Variants in USP47 observed in about 807,000 individuals in gnomAD.
USP47 encodes the protein ubiquitin carboxyl-terminal hydrolase 47.
A neutral mutation model predicts 165.1 loss-of-function variants in USP47; 35 were observed. The observed-to-expected ratio is 0.21, with a 90% confidence interval of 0.16 to 0.28. The LOEUF is 0.28. Ranked by LOEUF, USP47 falls within the 10% of genes least tolerant of loss-of-function variation. The pLI is 1.00. For missense variants in USP47, 1,277 were observed against 1,607.4 expected (o/e 0.79, Z 3.52); for synonymous variants, 531 against 544.5 (o/e 0.98, Z 0.35).
chr11:11,952,659 G>T, intron 24 of USP47, 82 bp from the exon 25 acceptor site: 2 of 1,340,016 alleles, frequency 1.5e-6, no homozygotes, highest in Non-Finnish European at 1.9e-6. Context: ...AAATCTTTTT[G>T]TTTAGTAAGG....
chr11:11,903,288 A>G lies in USP47; in HGVS notation c.765A>G (p.Glu255=). The change falls in exon 7 of 28, where the codon GAA becomes GAG. Residue 255 remains glutamate (E), a synonymous_variant. Coordinates refer to ENST00000527733, the MANE Select transcript of USP47 (RefSeq NM_001282659.2). ...CTTGGCAGCAGCATGATGTACAAGA[A>G]CTATGCAGAGTCATGTTTGATGCTT... ...SEAWQQHDVQ[E]LCRVMFDALE... 6.2e-7 allele frequency: 1 copy of G among 1,612,326 alleles called. No individual in the cohort carries two copies. The highest frequency in any genetic ancestry group is 8.5e-7 in the Non-Finnish European group (1 of 1,179,026).
intron 19 of USP47, 21 bp from the exon 20 acceptor site, chr11:11,942,314 A>G (rs1031263427): frequency 6.5e-7 from 1 of 1,544,982 alleles, no homozygotes; most frequent in Non-Finnish European, 8.7e-7. Context: ...ATATATAATA[A>G]AACTCTGACT....
rs1465326865 is a variant in USP47 at position 11,949,867 on chromosome 11, TTGTTTA to T, written c.3349-14_3349-9del. The stretch of plus-strand genomic sequence containing the variant: ...ACTTAAGGTATAATTCAAGCTCTGA[TTGTTTA>T]TGTTTATATTTCTAGCCATGCAAGT... On this transcript the variant is annotated splice_polypyrimidine_tract_variant and intron_variant, in intron 22 of 27. Coordinates refer to ENST00000527733, the MANE Select transcript of USP47 (RefSeq NM_001282659.2). 9.3e-6 allele frequency: 14 copies of T among 1,501,880 alleles called. No individual in the cohort carries two copies. Among genetic ancestry groups the T allele is most frequent in the South Asian group, 4.6e-5 (4 of 87,618 alleles). 93.0% of individuals were successfully genotyped at this position (1,501,880 alleles called of 1,614,324 possible).
chr11:11,919,215 G>A (rs1042277891), intron 8 of USP47, among the ~76,000 whole-genome samples: 1 of 151,852 alleles, frequency 6.6e-6, no homozygotes, highest in Non-Finnish European at 1.5e-5. Context: ...TTGCAACTAC[G>A]ACCATTAAGC....
intron 14 of USP47, among the ~76,000 whole-genome samples, chr11:11,931,366 T>C (rs925899063): frequency 6.6e-6 from 1 of 152,176 alleles, no homozygotes; most frequent in Non-Finnish European, 1.5e-5. Flanking sequence ...AAGTATATTC[T>C]AGGATCTGTC....
chr11:11,950,469 T>G lies in USP47; in HGVS notation c.3570T>G (p.Leu1190=). The G allele has an allele frequency of 6.2e-7, 1 of 1,601,136 alleles. No individual in the cohort carries two copies. The highest frequency in any genetic ancestry group is 8.5e-7 in the Non-Finnish European group (1 of 1,173,066). ...INISSNWEVF[L]EVLDGVEKMK... Reference sequence around the variant, plus strand: ...TTTCCAGCAACTGGGAGGTTTTCCTTGAAGTTCTTGATGGTATTTTCAATA... The same window carrying G: ...TTTCCAGCAACTGGGAGGTTTTCCTGGAAGTTCTTGATGGTATTTTCAATA... Residue 1190 remains leucine, a synonymous_variant, in exon 24 of 28, where the codon CTT becomes CTG. Coordinates refer to ENST00000527733, the MANE Select transcript of USP47 (RefSeq NM_001282659.2).
chr11:11,877,861 G>A (rs889040860), intron 1 of USP47, among the ~76,000 whole-genome samples: 13 of 12,146 alleles, frequency 1.1e-3, no homozygotes, highest in African/African-American at 3.9e-3. Flanking sequence ...GTGTGTGTGC[G>A]CGCGCGCAGA....
intron 1 of USP47, among the ~76,000 whole-genome samples, chr11:11,862,757 A>G (rs1224266689): frequency 6.6e-6 from 1 of 151,960 alleles, no homozygotes; most frequent in Non-Finnish European, 1.5e-5. Flanking sequence ...GGGTCTCGCC[A>G]TGTTGCCCAG....
intron 1 of USP47, among the ~76,000 whole-genome samples, chr11:11,868,921 C>T (rs77276226): frequency 0.013 from 1,955 of 151,862 alleles, 38 homozygotes; most frequent in African/African-American, 0.044. Flanking sequence ...TCTGTTTATA[C>T]GCTTCATTGA....
intron 1 of USP47, among the ~76,000 whole-genome samples, chr11:11,871,501 C>CAAAAAAAAAAAAAAAAAAAAA (rs71037046): frequency 1.6e-5 from 1 of 63,098 alleles, no homozygotes; most frequent in Non-Finnish European, 3.4e-5. Context: ...AACTCCCTCT[C>CAAAAAAAAAAAAAAAAAAAAA]AAAAAAAAAA....
At chr11:11,925,988 A>G (rs778981506) in intron 11 of USP47, among the ~76,000 whole-genome samples, 3 of 152,048 alleles carry the variant, frequency 2.0e-5, no homozygotes, top group Non-Finnish European at 4.4e-5. Context: ...TTCTTTATCA[A>G]TTGAAGCGAT....
intron 20 of USP47, 57 bp downstream of exon 20, chr11:11,943,169 T>G (rs1483046142): frequency 7.2e-6 from 11 of 1,529,314 alleles, no homozygotes; most frequent in African/African-American, 1.4e-5. Context: ...TCTCTCAGTT[T>G]ATTTAAATTT....
intron 18 of USP47, 61 bp downstream of exon 18, chr11:11,938,433 T>C: frequency 8.2e-7 from 1 of 1,224,818 alleles, no homozygotes; most frequent in Non-Finnish European, 1.2e-6. Flanking sequence ...CAAGACACAC[T>C]ATGTGACAGT....
intron 16 of USP47, among the ~76,000 whole-genome samples, chr11:11,934,879 T>A (rs766950457): frequency 1.1e-4 from 16 of 152,148 alleles, no homozygotes; most frequent in Non-Finnish European, 2.1e-4. Flanking sequence ...AGTCATTACC[T>A]AGAGAAAAAA....
intron 5 of USP47, among the ~76,000 whole-genome samples, chr11:11,899,035 G>C (rs1418663641): frequency 6.6e-6 from 1 of 152,256 alleles, no homozygotes; most frequent in Non-Finnish European, 1.5e-5. Context: ...CACACTGCTA[G>C]AAGTTGCACC....
intron 1 of USP47, among the ~76,000 whole-genome samples, chr11:11,849,606 T>C (rs1848617144): frequency 6.6e-6 from 1 of 152,156 alleles, no homozygotes; most frequent in South Asian, 2.1e-4. Flanking sequence ...CGTGAGAAGC[T>C]CTTTCCCAGG....
rs527862180 is a variant in USP47 at position 11,856,740 on chromosome 11, A to G, written c.39+14516A>G. ...TGATCTGATTTTCACTGAGAGCCAC[A>G]GTACAAGGCTTATAATGATGTGGTT... is the stretch of plus-strand genomic sequence containing the variant. On this transcript the variant is annotated intron_variant, in intron 1 of 27. Transcript: ENST00000527733. 2.0e-3 allele frequency: 303 copies of G among 152,370 alleles called. 2 individuals carry two copies. The highest frequency in any genetic ancestry group is 7.0e-3 in the African/African-American group (290 of 41,594). The allele number at this position is 152,370 out of a possible 1,614,324, so 9.4% of individuals were successfully genotyped here.
Position 11,936,351 on chromosome 11 carries a change from A to T in USP47, c.1918A>T (p.Lys640Ter). 6.2e-7 allele frequency: 1 copy of T among 1,607,414 alleles called. No individual in the cohort carries two copies. The highest frequency in any genetic ancestry group is 8.5e-7 in the Non-Finnish European group (1 of 1,175,756). The change falls in exon 17 of 28, where the codon AAA becomes TAA. Residue 640 changes from lysine (K) to a stop codon, truncating the protein, a stop_gained. Coordinates refer to ENST00000527733, the MANE Select transcript of USP47 (RefSeq NM_001282659.2). LOFTEE classifies it high-confidence loss of function. Reference sequence around the variant, plus strand: ...ACCCCTGGATTGCTGTCGCCTTGTTAAATATGATGAGTTTCATGATTATCT... The same window carrying T: ...ACCCCTGGATTGCTGTCGCCTTGTTTAATATGATGAGTTTCATGATTATCT... ...VIPLDCCRLV[K>*]YDEFHDYLER...
At position 11,957,637 on chromosome 11, in the gene USP47, T is replaced by C. The variant is rs1847265837; in HGVS notation, c.*1462T>C. The stretch of plus-strand genomic sequence containing the variant: ...GGATATCTCATTTCTATGATAAAGG[T>C]ATATTTACAGTAAAGTTCTCATAAG... On this transcript the variant is annotated 3_prime_UTR_variant, in exon 28 of 28. Transcript: ENST00000527733. 1 of 152,616 alleles carries C rather than the reference T, an allele frequency of 6.6e-6. No individual in the cohort carries two copies. The highest frequency in any genetic ancestry group is 6.5e-5 in the Admixed American group (1 of 15,280). 9.5% of individuals were successfully genotyped at this position (152,616 alleles called of 1,614,324 possible).
Sources: allele counts gnomAD v4.1 joint callset (sites outside exome capture counted in the v4.1 genomes callset), GRCh38; gene constraint gnomAD v4.1.1; transcripts MANE v1.5; gene names NCBI Gene and HGNC (gene_info 2026-07-23, HGNC 2026-07-21).